Variants in PSMA2 observed in about 807,000 individuals in gnomAD.
The protein encoded by PSMA2 is proteasome subunit alpha type-2.
PSMA2 carries 2 observed loss-of-function variants against 35.9 expected under a neutral mutation model. The ratio of observed to expected loss-of-function variants is 0.06; its 90% CI spans 0.02 to 0.18. The LOEUF (loss-of-function observed/expected upper bound fraction) is 0.18. Among genes scored for constraint, PSMA2 ranks in the 10% least tolerant of loss-of-function variants. The probability of loss-of-function intolerance (pLI) is 1.00; values close to 1 mark genes in which losing one functional copy is unlikely to be tolerated. For missense variants in PSMA2, 126 were observed against 278.8 expected (o/e 0.45, Z 3.90); for synonymous variants, 97 against 98.2 (o/e 0.99, Z 0.07).
chr7:42,927,472 A>C lies in PSMA2; in HGVS notation c.42-13T>G. 1.9e-6 allele frequency: 3 copies of C among 1,611,486 alleles called. No individual in the cohort carries two copies. Among genetic ancestry groups the C allele is most frequent in the Non-Finnish European group, 2.5e-6 (3 of 1,177,620 alleles). On this transcript the variant is annotated splice_polypyrimidine_tract_variant and intron_variant, in intron 1 of 7. Coordinates refer to ENST00000223321, the MANE Select transcript of PSMA2 (RefSeq NM_002787.5). ...TTTACCAGACGGGCTTAAAAGAAAC[A>C]CAGGTATTTGTAAGTTCACATATCA...
chr7:42,918,069 G>T, intron 6 of PSMA2: 1 of 203,354 alleles, frequency 4.9e-6, no homozygotes. Flanking sequence ...TTTAGTTTAG[G>T]AAACTTTTTT....
At position 42,921,887 on chromosome 7, in the gene PSMA2, A is replaced by G. The variant is rs771214939; in HGVS notation, c.501T>C (p.Tyr167=). ...AWKATAMGKN[Y]VNGKTFLEKR... is the part of the protein sequence containing the mutation. Reference sequence around the variant, plus strand: ...TCTCAAGGAAAGTCTTCCCATTCACATAGTTCTTTCCCATTGCTGTAGCTT... The same window carrying G: ...TCTCAAGGAAAGTCTTCCCATTCACGTAGTTCTTTCCCATTGCTGTAGCTT... The change falls in exon 6 of 8, where the codon TAT becomes TAC. Residue 167 remains tyrosine, a synonymous_variant. Transcript: ENST00000223321. 1 of 1,612,720 alleles carries G rather than the reference A, an allele frequency of 6.2e-7. No individual in the cohort carries two copies. Among genetic ancestry groups the G allele is most frequent in the South Asian group, 1.1e-5 (1 of 90,910 alleles).
intron 1 of PSMA2, among the ~76,000 whole-genome samples, chr7:42,930,223 A>G (rs138376839): frequency 2.3e-3 from 11 of 4,840 alleles, no homozygotes; most frequent in South Asian, 0.023. Flanking sequence ...ACACACACAC[A>G]CGCACACACA....
chr7:42,919,981 G>C (rs1786101211), intron 6 of PSMA2: 1 of 737,538 alleles, frequency 1.4e-6, no homozygotes, highest in African/African-American at 1.7e-5. Context: ...AGATACTGGT[G>C]AGCTGGCAAA....
At chr7:42,931,678 G>T (rs1402894928) in intron 1 of PSMA2, among the ~76,000 whole-genome samples, 4 of 152,178 alleles carry the variant, frequency 2.6e-5, no homozygotes, top group African/African-American at 9.7e-5. Context: ...TAACTGTAAA[G>T]CTGAGAGTTT....
intron 6 of PSMA2, chr7:42,919,799 T>C: frequency 4.4e-6 from 3 of 686,958 alleles, no homozygotes; most frequent in East Asian, 2.6e-5. Context: ...AGTATGATGA[T>C]AATAGTGGAG....
chr7:42,929,129 C>A (rs547226320), intron 1 of PSMA2, among the ~76,000 whole-genome samples: 23 of 152,130 alleles, frequency 1.5e-4, no homozygotes, highest in Non-Finnish European at 2.9e-4. Context: ...GTCAGGATTC[C>A]AGCACATAAC....
At chr7:42,919,183 G>A (rs1786085565) in intron 6 of PSMA2, 1 of 587,500 alleles carries the variant, frequency 1.7e-6, no homozygotes, top group African/African-American at 1.8e-5. Context: ...GCTATGCCAG[G>A]GAGATACAGG....
chr7:42,927,575 T>G, intron 1 of PSMA2, 116 bp from the exon 2 acceptor site: 1 of 972,682 alleles, frequency 1.0e-6, no homozygotes, highest in Non-Finnish European at 1.6e-6. Flanking sequence ...CTCCAGGGAG[T>G]AACTGGCCTT....
At chr7:42,923,239 T>C (rs1786154758) in intron 5 of PSMA2, 86 bp downstream of exon 5, 4 of 1,026,242 alleles carry the variant, frequency 3.9e-6, no homozygotes, top group Non-Finnish European at 5.9e-6. Context: ...TACTGCTAAA[T>C]TGTAAAGTTT....
At chr7:42,931,860 C>CT (rs1211183898) in intron 1 of PSMA2, among the ~76,000 whole-genome samples, 1 of 152,140 alleles carries the variant, frequency 6.6e-6, no homozygotes, top group Non-Finnish European at 1.5e-5. Context: ...GAATCCTTGG[C>CT]TATGTGCCTC....
intron 5 of PSMA2, among the ~76,000 whole-genome samples, chr7:42,922,151 T>C (rs1053722837): frequency 2.0e-5 from 3 of 152,166 alleles, no homozygotes; most frequent in Non-Finnish European, 4.4e-5. Context: ...CTGGAAATTT[T>C]TGATATCCTC....
chr7:42,921,828 A>G (rs181896252), intron 6 of PSMA2, 30 bp downstream of exon 6: 1 of 1,570,418 alleles, frequency 6.4e-7, no homozygotes, highest in South Asian at 1.1e-5. Context: ...TGAGTTTGCT[A>G]AAGAATGCAG....
chr7:42,926,750 C>T (rs535693004), intron 2 of PSMA2, 82 bp from the exon 3 acceptor site: 88 of 1,372,142 alleles, frequency 6.4e-5, no homozygotes, highest in South Asian at 4.7e-4. Flanking sequence ...ATGCGCTAAA[C>T]GCAAACTCCT....
intron 5 of PSMA2, among the ~76,000 whole-genome samples, chr7:42,922,512 G>A (rs1466192623): frequency 6.6e-6 from 1 of 152,050 alleles, no homozygotes; most frequent in African/African-American, 2.4e-5. Context: ...ATAAAATCAG[G>A]ATTCCAGAAA....
At chr7:42,922,994 A>C (rs946495475) in intron 5 of PSMA2, among the ~76,000 whole-genome samples, 2 of 152,202 alleles carry the variant, frequency 1.3e-5, no homozygotes, top group African/African-American at 4.8e-5. Flanking sequence ...CAAACACTAC[A>C]ACACTGTCCT....
In PSMA2 at chr7:42,917,758, T is replaced by C; in HGVS notation, c.588+20A>G. On this transcript the variant is annotated intron_variant, in intron 7 of 7. Transcript: ENST00000223321. The stretch of plus-strand genomic sequence containing the variant: ...AATCATGAAATCATTATAAATCCAG[T>C]TGTTGAATACTGAGCTAACCTTTAG... The C allele has an allele frequency of 6.2e-7, 1 of 1,611,364 alleles. No homozygotes were observed. Among genetic ancestry groups the C allele is most frequent in the Non-Finnish European group, 8.5e-7 (1 of 1,177,758 alleles).
chr7:42,931,957 C>T (rs1222024814), intron 1 of PSMA2, among the ~76,000 whole-genome samples, 161 bp downstream of exon 1: 1 of 152,142 alleles, frequency 6.6e-6, no homozygotes, highest in Non-Finnish European at 1.5e-5. Context: ...CCAGGAATCC[C>T]GGGTCGGCCT....
At chr7:42,929,982 C>T (rs1786271886) in intron 1 of PSMA2, among the ~76,000 whole-genome samples, 1 of 152,086 alleles carries the variant, frequency 6.6e-6, no homozygotes, top group South Asian at 2.1e-4. Flanking sequence ...AGTCATATTC[C>T]TTCCTTCACC....
Sources: allele counts gnomAD v4.1 joint callset (sites outside exome capture counted in the v4.1 genomes callset), GRCh38; gene constraint gnomAD v4.1.1; transcripts MANE v1.5; gene names NCBI Gene and HGNC (gene_info 2026-07-23, HGNC 2026-07-21).